Variants in CLDN10 observed in about 807,000 individuals in gnomAD.
CLDN10 encodes the protein claudin 10, also known as claudin-10.
In CLDN10, 15 loss-of-function variants were observed where a neutral mutation model predicts 22.9. The observed-to-expected ratio is 0.65, with a 90% CI of 0.44 to 1.01. CLDN10 has a LOEUF of 1.01. Among genes scored for constraint, CLDN10 ranks in the 50% least tolerant of loss-of-function variants. The pLI is 0.00. For missense variants in CLDN10, 247 were observed against 287.8 expected (o/e 0.86, Z 1.03); for synonymous variants, 114 against 111.4 (o/e 1.02, Z -0.15).
intron 1 of CLDN10, among the ~76,000 whole-genome samples, chr13:95,538,836 C>G (rs960020111): frequency 1.3e-5 from 2 of 152,164 alleles, no homozygotes; most frequent in East Asian, 3.8e-4. Context: ...ACAGAGAAGG[C>G]GATTTTTAAG....
chr13:95,528,328 C>T (rs1243365901), intron 1 of CLDN10, among the ~76,000 whole-genome samples: 1 of 152,132 alleles, frequency 6.6e-6, no homozygotes, highest in East Asian at 1.9e-4. Context: ...CTCTTGCCTG[C>T]CTCCATGTAT....
intron 3 of CLDN10, among the ~76,000 whole-genome samples, chr13:95,563,209 G>GGAGAGA (rs71764554): frequency 1.4e-5 from 2 of 147,578 alleles, no homozygotes; most frequent in East Asian, 4.0e-4. Context: ...AGTTAAGAGA[G>GGAGAGA]GAGAGAGAGA....
rs776857009 is a variant in CLDN10, at chr13:95,471,453, A to ATATATATTTT, written c.214+37407_214+37408insATATATTTTT. 1.3e-3 allele frequency among the ~76,000 whole-genome samples: 136 copies of ATATATATTTT among 106,366 alleles called. 2 individuals are homozygous for ATATATATTTT. Among genetic ancestry groups the ATATATATTTT allele is most frequent in the African/African-American group, 4.6e-3 (116 of 24,952 alleles). 69.8% of individuals were successfully genotyped at this position (106,366 alleles called of 152,430 possible). On this transcript the variant is annotated intron_variant, in intron 1 of 4. Transcript: ENST00000376873. Reference sequence around the variant, plus strand: ...CACACACACACACATATATATATATATTTTTTTTTTTTTTTTTGAGATGGA... The same window carrying ATATATATTTT: ...CACACACACACACATATATATATATATATATATTTTTTTTTTTTTTTTTTTTTGAGATGGA...
rs936497509 is a variant in CLDN10, at chr13:95,577,327, C to G, written c.561C>G (p.Asn187Lys). 13 of 1,607,778 alleles carry G rather than the reference C, an allele frequency of 8.1e-6. No homozygotes were observed. The highest frequency in any genetic ancestry group is 1.1e-5 in the Non-Finnish European group (13 of 1,174,702). The change falls in exon 4 of 5, where the codon AAC becomes AAG. Residue 187 changes from asparagine to lysine, a missense_variant. Coordinates refer to ENST00000299339, the MANE Select transcript of CLDN10 (RefSeq NM_006984.5). ...TTTGCTTTTCAATATCTGACAACAA[C>G]AAAACACCCAGGTATGAAAAAGAGA... ...VIFCFSISDN[N>K]KTPRYTYNGA...
At chr13:95,442,809 A>G (rs2042337178) in intron 1 of CLDN10, among the ~76,000 whole-genome samples, 1 of 152,186 alleles carries the variant, frequency 6.6e-6, no homozygotes, top group Non-Finnish European at 1.5e-5. Flanking sequence ...CTTCTCATAG[A>G]CTCAATCTTC....
chr13:95,484,663 C>T (rs4505187), intron 1 of CLDN10, among the ~76,000 whole-genome samples: 87,446 of 144,594 alleles, frequency 0.6, 27,331 homozygotes, highest in African/African-American at 0.8. Flanking sequence ...GCCAACATGG[C>T]GAAACCCCGT....
chr13:95,536,183 G>GAA (rs34043263), intron 1 of CLDN10, among the ~76,000 whole-genome samples: 36,472 of 148,568 alleles, frequency 0.25, 5,237 homozygotes, highest in East Asian at 0.39. Flanking sequence ...TCCTAAATTT[G>GAA]AAAAAAAAAA....
rs188351737 is a variant in CLDN10 at position 95,486,903 on chromosome 13, T to C, written c.214+52856T>C. 8.5e-4 allele frequency among the ~76,000 whole-genome samples: 130 copies of C among 152,272 alleles called. 1 individual carries two copies. Among genetic ancestry groups the C allele is most frequent in the African/African-American group, 3.0e-3 (124 of 41,562 alleles). On this transcript the variant is annotated intron_variant, in intron 1 of 4. Transcript: ENST00000376873. ...GGGTGCTCAATCAATGAGTTGCACA[T>C]GGAAAATTTAAAGAAATAAGGTTTT...
intron 1 of CLDN10, among the ~76,000 whole-genome samples, chr13:95,523,838 G>A (rs957151538): frequency 2.0e-5 from 3 of 152,116 alleles, no homozygotes; most frequent in African/African-American, 7.2e-5. Flanking sequence ...GCTGTCTTGT[G>A]CATTGTAGGA....
At position 95,434,543 on chromosome 13, in the gene CLDN10, G is replaced by GTA. The variant is rs759022752; in HGVS notation, c.214+506_214+507dup. Among the ~76,000 whole-genome samples the GTA allele has an allele frequency of 2.7e-3, 401 of 148,670 alleles. 5 individuals are homozygous for GTA. The highest frequency in any genetic ancestry group is 9.2e-3 in the African/African-American group (359 of 39,174). ...TGTGTATATATATATGCACACGTGT[G>GTA]TATATATATATGCACACATGTGTGT... On this transcript the variant is annotated intron_variant, in intron 1 of 4. Transcript: ENST00000376873.
In CLDN10 at chr13:95,495,574, C is replaced by G. The variant is rs141268373; in HGVS notation, c.214+61527C>G. On this transcript the variant is annotated intron_variant, in intron 1 of 4. Coordinates refer to the CLDN10 transcript ENST00000376873. Reference sequence around the variant, plus strand: ...CCTGGCTAACACAGTGAAACCCCGTCTCTACTAAAAATATAAAAATTTAGC... The same window carrying G: ...CCTGGCTAACACAGTGAAACCCCGTGTCTACTAAAAATATAAAAATTTAGC... 8.7e-3 allele frequency among the ~76,000 whole-genome samples: 1,321 copies of G among 151,164 alleles called. 23 individuals are homozygous for G. The highest frequency in any genetic ancestry group is 0.031 in the African/African-American group (1,267 of 41,332).
chr13:95,443,798 A>G (rs1456172724), intron 1 of CLDN10, among the ~76,000 whole-genome samples: 2 of 152,112 alleles, frequency 1.3e-5, no homozygotes, highest in Admixed American at 6.5e-5. Flanking sequence ...CTTATGAAAG[A>G]TGTGCTTGTG....
chr13:95,563,209 GGAGAGAGAGA>G (rs71764554), intron 3 of CLDN10, among the ~76,000 whole-genome samples: 4 of 147,578 alleles, frequency 2.7e-5, no homozygotes, highest in African/African-American at 5.0e-5. Flanking sequence ...AGTTAAGAGA[GGAGAGAGAGA>G]GAGAGAGAGA....
rs118044175 is a variant in CLDN10, at chr13:95,471,759, T to C, written c.214+37712T>C. ...GAGCCACTGCACCTAACCTTTTTTT[T>C]CTCTTTTAAACAGAGACAGAGTCTC... On this transcript the variant is annotated intron_variant, in intron 1 of 4. Transcript: ENST00000376873. Among the ~76,000 whole-genome samples the C allele has an allele frequency of 3.6e-3, 550 of 151,886 alleles. 1 individual carries two copies. The highest frequency in any genetic ancestry group is 6.8e-3 in the Middle Eastern group (2 of 294).
At chr13:95,546,441 GA>G (rs2043510510) in intron 1 of CLDN10, among the ~76,000 whole-genome samples, 3 of 151,878 alleles carry the variant, frequency 2.0e-5, no homozygotes, top group Non-Finnish European at 4.4e-5. Context: ...CTATTGCATG[GA>G]ATTGTTAAAA....
intron 1 of CLDN10, among the ~76,000 whole-genome samples, chr13:95,438,921 G>A (rs1453770605): frequency 7.1e-6 from 1 of 140,186 alleles, no homozygotes; most frequent in Non-Finnish European, 1.5e-5. Flanking sequence ...AGAGGTTGCA[G>A]TGAGCCAAGA....
chr13:95,551,209 T>C (rs923456003), upstream of CLDN10, among the ~76,000 whole-genome samples: 28 of 152,146 alleles, frequency 1.8e-4, no homozygotes, highest in African/African-American at 6.8e-4. Flanking sequence ...GAGCACAGAT[T>C]ACAACATTCG....
chr13:95,552,932 T>A lies in CLDN10; in HGVS notation c.179T>A (p.Val60Asp). The stretch of plus-strand genomic sequence containing the variant: ...GCGTGCGTTACCGACTCCACGGGCG[T>A]CTCCAACTGCAAGGACTTCCCCTCC... The part of the protein sequence containing the change: ...WKACVTDSTG[V>D]SNCKDFPSML... Residue 60 changes from valine to aspartate, a missense_variant, in exon 1 of 5, where the codon GTC becomes GAC. Physicochemically the swap from Val to Asp is radical, Grantham distance 152 (BLOSUM62 -3). Transcript: ENST00000299339. The A allele has an allele frequency of 6.2e-7, 1 of 1,613,976 alleles. No homozygotes were observed. Among genetic ancestry groups the A allele is most frequent in the Non-Finnish European group, 8.5e-7 (1 of 1,179,970 alleles).
chr13:95,511,627 C>CT (rs113267075), intron 1 of CLDN10, among the ~76,000 whole-genome samples: 45,414 of 139,314 alleles, frequency 0.33, 8,198 homozygotes, highest in Non-Finnish European at 0.41. Context: ...ATTCTCTCTC[C>CT]TTTTTTTTTT....
Sources: allele counts gnomAD v4.1 joint callset (sites outside exome capture counted in the v4.1 genomes callset), GRCh38; gene constraint gnomAD v4.1.1; transcripts MANE v1.5; gene names NCBI Gene and HGNC (gene_info 2026-07-23, HGNC 2026-07-21).